Variants in GRIP1 observed in about 807,000 individuals in gnomAD.
GRIP1 encodes the protein glutamate receptor interacting protein 1.
In GRIP1, 45 loss-of-function variants were observed where a neutral mutation model predicts 129.9. The ratio of observed to expected loss-of-function variants is 0.35; its 90% CI spans 0.27 to 0.44. GRIP1 has a LOEUF of 0.44. GRIP1 is among the 20% of genes least tolerant of loss of function. The probability of loss-of-function intolerance (pLI) is 1.00; values close to 1 mark genes in which losing one functional copy is unlikely to be tolerated. For synonymous variants in GRIP1, 530 were observed against 520.8 expected, an observed-to-expected ratio of 1.02 and a Z score of -0.24; for missense variants, 1,196 against 1,396.8, an observed-to-expected ratio of 0.86 and a Z score of 2.29.
rs533963880 is a variant in GRIP1 at position 66,434,107 on chromosome 12, A to T, written c.1688-1479T>A. On this transcript the variant is annotated intron_variant, in intron 13 of 24. Coordinates refer to ENST00000359742, the MANE Select transcript of GRIP1 (RefSeq NM_001366722.1). ...GGTATTAAATGTCTCACAAGACCAG[A>T]ATCTGATTTTTCAACTCAGAAGTTT... Among the ~76,000 whole-genome samples, 27 of 152,272 alleles carry T rather than the reference A, an allele frequency of 1.8e-4. 2 individuals carry two copies. In the South Asian group the frequency reaches 5.6e-3, roughly 32 times the overall value.
intron 2 of GRIP1, among the ~76,000 whole-genome samples, chr12:66,571,960 T>C (rs73125076): frequency 0.036 from 5,465 of 152,254 alleles, 154 homozygotes; most frequent in Non-Finnish European, 0.053. Context: ...AATGCAGAAG[T>C]AGGGCTGGTG....
At chr12:66,477,859 C>T (rs543986585) in intron 7 of GRIP1, among the ~76,000 whole-genome samples, 5 of 152,244 alleles carry the variant, frequency 3.3e-5, no homozygotes, top group Admixed American at 2.6e-4. Context: ...CTTCCTTACA[C>T]CTTATACAAA....
At chr12:67,023,956 T>G (rs2135752355) in intron 1 of GRIP1, among the ~76,000 whole-genome samples, 1 of 152,256 alleles carries the variant, frequency 6.6e-6, no homozygotes, top group East Asian at 1.9e-4. Context: ...TCCTTCCATC[T>G]AAGCAGATTA....
intron 1 of GRIP1, among the ~76,000 whole-genome samples, chr12:66,776,469 A>C (rs1420304813): frequency 6.6e-6 from 1 of 152,230 alleles, no homozygotes; most frequent in Admixed American, 6.5e-5. Context: ...TTAATTAGTA[A>C]ATTAATGACA....
chr12:66,809,658 A>G (rs888306393), intron 1 of GRIP1, among the ~76,000 whole-genome samples: 6 of 150,594 alleles, frequency 4.0e-5, no homozygotes, highest in Non-Finnish European at 7.4e-5. Flanking sequence ...TAAACACAAA[A>G]TGTCTTTTTT....
At chr12:66,853,220 CT>C (rs2039944588) in intron 1 of GRIP1, among the ~76,000 whole-genome samples, 1 of 151,716 alleles carries the variant, frequency 6.6e-6, no homozygotes, top group South Asian at 2.1e-4. Context: ...TTGCATGGAG[CT>C]TGTGAACTTT....
intron 2 of GRIP1, among the ~76,000 whole-genome samples, chr12:66,582,292 C>A (rs1428768842): frequency 7.1e-6 from 1 of 140,148 alleles, no homozygotes; most frequent in Admixed American, 7.2e-5. Context: ...AACCAACAGC[C>A]AATATCATAC....
At chr12:66,468,004 C>G (rs2059334156) in intron 7 of GRIP1, among the ~76,000 whole-genome samples, 1 of 152,192 alleles carries the variant, frequency 6.6e-6, no homozygotes, top group African/African-American at 2.4e-5. Flanking sequence ...TTAGGAATGA[C>G]AGAAACTGCT....
At position 66,955,504 on chromosome 12, in the gene GRIP1, G is replaced by GT. The variant is rs71088226; in HGVS notation, c.58+113545dup. Among the ~76,000 whole-genome samples the GT allele has an allele frequency of 8.6e-3, 979 of 114,496 alleles. 12 individuals are homozygous for GT. Among genetic ancestry groups the GT allele is most frequent in the South Asian group, 0.02 (72 of 3,608 alleles). 75.1% of individuals were successfully genotyped at this position (114,496 alleles called of 152,430 possible). On this transcript the variant is annotated intron_variant, in intron 1 of 1. Coordinates refer to the GRIP1 transcript ENST00000643019. ...TATTATAGTATATATTACTTTTTTG[G>GT]TTTTTTTTTTTTTTTTTTTTGAGTC...
chr12:66,922,497 A>G (rs2041229721), intron 1 of GRIP1, among the ~76,000 whole-genome samples: 1 of 152,272 alleles, frequency 6.6e-6, no homozygotes, highest in South Asian at 2.1e-4. Flanking sequence ...ATTTCTGAGT[A>G]GGAAAGTGTT....
intron 5 of GRIP1, among the ~76,000 whole-genome samples, chr12:66,520,206 C>T (rs1205947710): frequency 6.6e-6 from 1 of 152,152 alleles, no homozygotes; most frequent in Non-Finnish European, 1.5e-5. Context: ...GCTCAACTCC[C>T]ATCTATGCCA....
intron 1 of GRIP1, among the ~76,000 whole-genome samples, chr12:67,046,253 T>A (rs1003431584): frequency 2.0e-5 from 3 of 152,196 alleles, no homozygotes; most frequent in Non-Finnish European, 4.4e-5. Context: ...CAAAGGGCAG[T>A]AGCTGCTAGA....
intron 22 of GRIP1, among the ~76,000 whole-genome samples, chr12:66,374,787 C>T (rs1192568349): frequency 6.6e-6 from 1 of 152,068 alleles, no homozygotes. Context: ...CTTTGGTTCG[C>T]ATTTTCAGGT....
intron 23 of GRIP1, among the ~76,000 whole-genome samples, chr12:66,362,497 CA>C (rs1468622132): frequency 6.6e-6 from 1 of 151,786 alleles, no homozygotes; most frequent in Non-Finnish European, 1.5e-5. Flanking sequence ...AGTCATATGG[CA>C]GAACAACAGT....
intron 1 of GRIP1, among the ~76,000 whole-genome samples, chr12:66,760,481 G>C (rs541056096): frequency 6.6e-6 from 1 of 152,108 alleles, no homozygotes; most frequent in Non-Finnish European, 1.5e-5. Flanking sequence ...CTTACGTGGC[G>C]GTGGCAAGAG....
At chr12:66,877,869 A>G (rs907673509) in intron 1 of GRIP1, among the ~76,000 whole-genome samples, 7 of 152,136 alleles carry the variant, frequency 4.6e-5, no homozygotes, top group Non-Finnish European at 1.0e-4. Flanking sequence ...GAAACAATGG[A>G]TGGAAAATGA....
intron 16 of GRIP1, among the ~76,000 whole-genome samples, chr12:66,395,783 G>A (rs2056763850): frequency 6.6e-6 from 1 of 152,306 alleles, no homozygotes; most frequent in South Asian, 2.1e-4. Context: ...ATTTACATTA[G>A]CAGCTGAGAA....
At chr12:66,715,471 T>TGTGTGTGTGA (rs761155485) in intron 1 of GRIP1, among the ~76,000 whole-genome samples, 18 of 110,134 alleles carry the variant, frequency 1.6e-4, no homozygotes, top group East Asian at 5.1e-4. Context: ...TGTGTGTGTG[T>TGTGTGTGTGA]GAGAGAGAGA....
intron 1 of GRIP1, among the ~76,000 whole-genome samples, chr12:66,802,486 T>G: frequency 6.6e-6 from 1 of 152,200 alleles, no homozygotes; most frequent in African/African-American, 2.4e-5. Flanking sequence ...TTGGGAATAT[T>G]TCTTAGATAC....
Sources: allele counts gnomAD v4.1 joint callset (sites outside exome capture counted in the v4.1 genomes callset), GRCh38; gene constraint gnomAD v4.1.1; transcripts MANE v1.5; gene names NCBI Gene and HGNC (gene_info 2026-07-23, HGNC 2026-07-21).